TMEM8B: variants seen among roughly 807,000 people sequenced by gnomAD.
The protein encoded by TMEM8B is nasopharyngeal carcinoma expressed 6.
In TMEM8B, 29 loss-of-function variants were observed where a neutral mutation model predicts 49.3. The observed-to-expected ratio is 0.59, with a 90% CI of 0.44 to 0.80. The LOEUF is 0.80. Among genes scored for constraint, TMEM8B ranks in the 30% least tolerant of loss-of-function variants. TMEM8B has a pLI of 0.00. For missense variants in TMEM8B, 575 were observed against 658.5 expected, an observed-to-expected ratio of 0.87 and a Z score of 1.39; for synonymous variants, 264 against 272.8, an observed-to-expected ratio of 0.97 and a Z score of 0.32.
rs1464575740 is a variant in TMEM8B, at chr9:35,853,384, T to C, written c.2440-121T>C. The C allele has an allele frequency of 6.8e-7, 1 of 1,465,974 alleles. No individual in the cohort carries two copies. The highest frequency in any genetic ancestry group is 9.3e-7 in the Non-Finnish European group (1 of 1,076,056). 90.8% of individuals were successfully genotyped at this position (1,465,974 alleles called of 1,614,324 possible). On this transcript the variant is annotated intron_variant, in intron 12 of 12. Coordinates refer to ENST00000643932, the MANE Select transcript of TMEM8B (RefSeq NM_001042590.4). The surrounding 1 kb of genome is among the most constrained non-coding windows in gnomAD (Gnocchi z 4.2). ...ATCACCTGCTGCTGGCAGTGTCCGC[T>C]CCAGTCTTGGCAGGTGTCTTTAGGT...
intron 3 of TMEM8B, among the ~76,000 whole-genome samples, chr9:35,835,686 C>A (rs1830382325): frequency 6.6e-6 from 1 of 152,236 alleles, no homozygotes; most frequent in South Asian, 2.1e-4. Context: ...CCTCTTGCAT[C>A]ATAATTTCAG....
chr9:35,864,567 T>C lies in TMEM8B; in HGVS notation c.*10727T>C, dbSNP rs985741981. On this transcript the variant is annotated 3_prime_UTR_variant, in exon 13 of 13. Coordinates refer to ENST00000643932, the MANE Select transcript of TMEM8B (RefSeq NM_001042590.4). The stretch of plus-strand genomic sequence containing the variant: ...TACCATGGAGACGGCAGTATTTCCT[T>C]GTGGGCTTGTTTTAAGGATCCAGTG... 1.3e-5 allele frequency: 2 copies of C among 152,190 alleles called. No individual in the cohort carries two copies. Among genetic ancestry groups the C allele is most frequent in the African/African-American group, 4.8e-5 (2 of 41,426 alleles). The allele number at this position is 152,190 out of a possible 1,614,324, so 9.4% of individuals were successfully genotyped here.
Position 35,851,388 on chromosome 9 carries a change from G to A in TMEM8B, c.2176-1439G>A, listed in dbSNP as rs532926808. On this transcript the variant is annotated intron_variant, in intron 10 of 12. Coordinates refer to ENST00000643932, the MANE Select transcript of TMEM8B (RefSeq NM_001042590.4). ...TTTAACTCCTGGGCTCAAGTGATCT[G>A]CCCACCTCATCCTCCCAAAGTGCTG... Among the ~76,000 whole-genome samples, 7 of 152,256 alleles carry A rather than the reference G, an allele frequency of 4.6e-5. No individual in the cohort carries two copies. In the South Asian group the frequency reaches 1.5e-3, roughly 32 times the overall value.
Position 35,829,524 on chromosome 9 carries a change from T to G in TMEM8B, c.77T>G (p.Phe26Cys). 1 of 342,468 alleles carries G rather than the reference T, an allele frequency of 2.9e-6. No individual in the cohort carries two copies. 21.2% of individuals were successfully genotyped at this position (342,468 alleles called of 1,614,324 possible). Residue 26 changes from phenylalanine to cysteine, a missense_variant, in exon 1 of 13, where the codon TTC becomes TGC. Transcript: ENST00000643932. ...CCCCCAGCCCCGCCCTCGCCCCGCT[T>G]CCCACATCGGCCCCAGCCCCTGCCT... ...PWPPAPPSPR[F>C]PHRPQPLPGS...
At position 35,834,603 on chromosome 9, in the gene TMEM8B, G is replaced by A. The variant is rs1408520849; in HGVS notation, c.651G>A (p.Glu217=). ...TTTGGAACCTCATCATCTTCAAGGA[G>A]CAAGGGGGAACTTTTGGGGACCACT... is the stretch of plus-strand genomic sequence containing the variant. ...LAVWNLIIFK[E]QGGTFGDHCP... is the part of the protein sequence containing the mutation. The change falls in exon 2 of 13, where the codon GAG becomes GAA. Residue 217 remains glutamate (E), a synonymous_variant. Coordinates refer to ENST00000643932, the MANE Select transcript of TMEM8B (RefSeq NM_001042590.4). 1.7e-5 allele frequency: 7 copies of A among 415,870 alleles called. No homozygotes were observed. Among genetic ancestry groups the A allele is most frequent in the Admixed American group, 8.8e-5 (2 of 22,728 alleles). 25.8% of individuals were successfully genotyped at this position (415,870 alleles called of 1,614,324 possible). A position where few individuals can be genotyped will look rare whatever the true frequency, so the allele number is the denominator to read the frequency against.
At chr9:35,840,010 G>A (rs1275131285) in intron 3 of TMEM8B, among the ~76,000 whole-genome samples, 3 of 152,084 alleles carry the variant, frequency 2.0e-5, no homozygotes, top group Non-Finnish European at 4.4e-5. Flanking sequence ...GTCAGGGCCT[G>A]GAACTTTTGT....
At chr9:35,848,236 T>C (rs1243774411) in intron 10 of TMEM8B, among the ~76,000 whole-genome samples, 7 of 152,170 alleles carry the variant, frequency 4.6e-5, no homozygotes, top group Non-Finnish European at 4.4e-5. Context: ...TTAAGCTGGG[T>C]GAGAAGCATA....
intron 6 of TMEM8B, among the ~76,000 whole-genome samples, chr9:35,843,789 G>T (rs913455667): frequency 4.6e-5 from 7 of 152,010 alleles, no homozygotes; most frequent in Admixed American, 3.3e-4. Flanking sequence ...TTGAGACGGA[G>T]TCTCACTCTG....
chr9:35,848,890 G>C (rs1290265782), intron 10 of TMEM8B, among the ~76,000 whole-genome samples: 1 of 152,040 alleles, frequency 6.6e-6, no homozygotes, highest in Non-Finnish European at 1.5e-5. Flanking sequence ...GGCCAAGTTG[G>C]TCTCGATCTC....
chr9:35,849,078 C>T (rs778648320), intron 10 of TMEM8B, among the ~76,000 whole-genome samples: 3 of 152,032 alleles, frequency 2.0e-5, no homozygotes, highest in South Asian at 2.1e-4. Context: ...TGGGCCAGAA[C>T]ATAAAACTAT....
intron 10 of TMEM8B, among the ~76,000 whole-genome samples, chr9:35,847,941 C>T (rs993375915): frequency 3.9e-5 from 6 of 152,238 alleles, no homozygotes; most frequent in Non-Finnish European, 8.8e-5. Flanking sequence ...CATCTCTAGG[C>T]TCTTGGCACC....
Position 35,864,696 on chromosome 9 carries a change from C to G in TMEM8B, c.*10856C>G, listed in dbSNP as rs1832706456. The G allele has an allele frequency of 6.6e-6, 1 of 152,250 alleles. No individual in the cohort carries two copies. Among genetic ancestry groups the G allele is most frequent in the Non-Finnish European group, 1.5e-5 (1 of 68,064 alleles). 9.4% of individuals were successfully genotyped at this position (152,250 alleles called of 1,614,324 possible). Reference sequence around the variant, plus strand: ...TCCTGTCCCTATCCCTGTCCCCCAGCAAATATTTTGGCTTTTAAATGTTTT... The same window carrying G: ...TCCTGTCCCTATCCCTGTCCCCCAGGAAATATTTTGGCTTTTAAATGTTTT... On this transcript the variant is annotated 3_prime_UTR_variant, in exon 13 of 13. Transcript: ENST00000643932.
rs1011065923 is a variant in TMEM8B, at chr9:35,853,965, A to G, written c.*125A>G. 1 of 1,383,246 alleles carries G rather than the reference A, an allele frequency of 7.2e-7. No homozygotes were observed. Among genetic ancestry groups the G allele is most frequent in the Non-Finnish European group, 9.3e-7 (1 of 1,072,652 alleles). 85.7% of individuals were successfully genotyped at this position (1,383,246 alleles called of 1,614,324 possible). ...AGGACATGGAGTCTTTCTCAAGGAC[A>G]CAAAACTCTTCCAGGGACCTGGAGC... On this transcript the variant is annotated 3_prime_UTR_variant, in exon 13 of 13. Coordinates refer to ENST00000643932, the MANE Select transcript of TMEM8B (RefSeq NM_001042590.4). This position sits in a 1 kb window ranked among gnomAD's most constrained non-coding sequence, Gnocchi z 4.2.
In TMEM8B at chr9:35,853,877, G is replaced by T. The variant is rs1832388002; in HGVS notation, c.*37G>T. 1.3e-6 allele frequency: 2 copies of T among 1,503,738 alleles called. No individual in the cohort carries two copies. The highest frequency in any genetic ancestry group is 4.6e-5 in the Admixed American group (2 of 43,730). 93.1% of individuals were successfully genotyped at this position (1,503,738 alleles called of 1,614,324 possible). A position where few individuals can be genotyped will look rare whatever the true frequency, so the allele number is the denominator to read the frequency against. On this transcript the variant is annotated 3_prime_UTR_variant, in exon 13 of 13. Coordinates refer to ENST00000643932, the MANE Select transcript of TMEM8B (RefSeq NM_001042590.4). This position sits in a 1 kb window ranked among gnomAD's most constrained non-coding sequence, Gnocchi z 4.2. The stretch of plus-strand genomic sequence containing the variant: ...GGCCTGGCCCTGAGGGGATATGAAT[G>T]CTTCCTAGAGTTCTTTCTGGGGGTG...
chr9:35,833,506 C>G (rs1377054076), intron 1 of TMEM8B, among the ~76,000 whole-genome samples: 1 of 152,126 alleles, frequency 6.6e-6, no homozygotes, highest in East Asian at 1.9e-4. Flanking sequence ...TGGCTAGCTG[C>G]TGACACAACT....
In TMEM8B at chr9:35,829,872, C is replaced by G. The variant is rs909774376; in HGVS notation, c.425C>G (p.Ser142Cys). The part of the protein sequence containing the change: ...VPPISHTLPL[S>C]QPRLKSGFQL... ...CCTATCTCTCATACTCTGCCCCTCT[C>G]CCAGCCTAGACTCAAGTCTGGGTTT... is the stretch of plus-strand genomic sequence containing the variant. Residue 142 changes from serine to cysteine, a missense_variant, in exon 1 of 13, where the codon TCC becomes TGC. Transcript: ENST00000643932. 7.2e-6 allele frequency: 3 copies of G among 416,182 alleles called. No individual in the cohort carries two copies. The highest frequency in any genetic ancestry group is 1.3e-5 in the Non-Finnish European group (3 of 226,764). 25.8% of individuals were successfully genotyped at this position (416,182 alleles called of 1,614,324 possible).
chr9:35,845,268 T>C, intron 6 of TMEM8B: 1 of 423,694 alleles, frequency 2.4e-6, no homozygotes, highest in Non-Finnish European at 3.2e-6. Context: ...GTATCAAATA[T>C]ATGGCCTACC....
chr9:35,853,729 A>G lies in TMEM8B; in HGVS notation c.2664A>G (p.Pro888=), dbSNP rs2132408354. Residue 888 remains proline, a synonymous_variant, in exon 13 of 13, where the codon CCA becomes CCG. Transcript: ENST00000643932. This position sits in a 1 kb window ranked among gnomAD's most constrained non-coding sequence, Gnocchi z 4.2. Reference sequence around the variant, plus strand: ...GTGCCAAGACTGACCACGGGGTCCCATCTGGAGCCCGGGCCCGGGGCTGTG... The same window carrying G: ...GTGCCAAGACTGACCACGGGGTCCCGTCTGGAGCCCGGGCCCGGGGCTGTG... ...PPRAKTDHGV[P]SGARARGCGY... 6.2e-7 allele frequency: 1 copy of G among 1,613,868 alleles called. No individual in the cohort carries two copies. Among genetic ancestry groups the G allele is most frequent in the South Asian group, 1.1e-5 (1 of 91,074 alleles).
rs760632808 is a variant in TMEM8B, at chr9:35,853,814, A to G, written c.2749A>G (p.Thr917Ala). The change falls in exon 13 of 13, where the codon ACT (threonine) becomes GCT (alanine). Residue 917 changes from threonine (T) to alanine (A), a missense_variant. Coordinates refer to ENST00000643932, the MANE Select transcript of TMEM8B (RefSeq NM_001042590.4). This position sits in a 1 kb window ranked among gnomAD's most constrained non-coding sequence, Gnocchi z 4.2. ...GGGCCTCGTGGGCCCAGGAGGGGCCACTGTCAGCAGCATCTGTGCCAGCTG... is the reference window on the plus strand; with the variant it reads ...GGGCCTCGTGGGCCCAGGAGGGGCCGCTGTCAGCAGCATCTGTGCCAGCTG... ...ELGLVGPGGA[T>A]VSSICAS 3.2e-6 allele frequency: 5 copies of G among 1,552,022 alleles called. No individual in the cohort carries two copies. Among genetic ancestry groups the G allele is most frequent in the South Asian group, 2.5e-5 (2 of 79,956 alleles).
Sources: allele counts gnomAD v4.1 joint callset (sites outside exome capture counted in the v4.1 genomes callset), GRCh38; gene constraint gnomAD v4.1.1; non-coding constraint Gnocchi (gnomAD v3.1); transcripts MANE v1.5; gene names NCBI Gene and HGNC (gene_info 2026-07-23, HGNC 2026-07-21).